THSD4: variants seen among roughly 807,000 people sequenced by gnomAD.
THSD4 encodes the protein thrombospondin type-1 domain-containing protein 4.
THSD4 carries 69 observed loss-of-function variants against 119.0 expected under a neutral mutation model. That is an observed-to-expected ratio of 0.58 (90% CI 0.48 to 0.71). THSD4 has a LOEUF of 0.71. Among genes scored for constraint, THSD4 ranks in the 30% least tolerant of loss-of-function variants. THSD4 has a pLI of 0.00. For synonymous variants in THSD4, 524 were observed against 540.4 expected, an observed-to-expected ratio of 0.97 and a Z score of 0.42; for missense variants, 1,393 against 1,391.1, an observed-to-expected ratio of 1.00 and a Z score of -0.02.
At chr15:71,504,172 T>C (rs2048155802) in intron 7 of THSD4, among the ~76,000 whole-genome samples, 1 of 152,194 alleles carries the variant, frequency 6.6e-6, no homozygotes, top group Admixed American at 6.5e-5. Context: ...GATCAAGTCA[T>C]GCAGAATTTC....
chr15:71,192,588 G>A (rs756210247), intron 3 of THSD4, among the ~76,000 whole-genome samples: 18 of 152,132 alleles, frequency 1.2e-4, no homozygotes, highest in Admixed American at 4.6e-4. Flanking sequence ...CTCCTTTGGT[G>A]AATTTTGAAG....
intron 1 of THSD4, among the ~76,000 whole-genome samples, chr15:71,126,559 C>A (rs920299745): frequency 6.6e-6 from 1 of 152,206 alleles, no homozygotes; most frequent in Non-Finnish European, 1.5e-5. Flanking sequence ...TGGAAAATCA[C>A]TCATCACACT....
Position 71,141,570 on chromosome 15 carries a change from C to CTTT in THSD4, c.29+19_29+21dup. 1 of 1,603,604 alleles carries CTTT rather than the reference C, an allele frequency of 6.2e-7. No individual in the cohort carries two copies. Among genetic ancestry groups the CTTT allele is most frequent in the Non-Finnish European group, 8.5e-7 (1 of 1,176,058 alleles). ...GGGGTCTCTCAGGTAAGTGAAGAAA[C>CTTT]TTTTTTTAAAAAAACAGGAGAATAA... On this transcript the variant is annotated intron_variant, in intron 2 of 17. Coordinates refer to ENST00000261862, the MANE Select transcript of THSD4 (RefSeq NM_024817.3).
chr15:71,357,697 A>G (rs1414843008), intron 6 of THSD4, among the ~76,000 whole-genome samples: 1 of 152,210 alleles, frequency 6.6e-6, no homozygotes, highest in Non-Finnish European at 1.5e-5. Flanking sequence ...GGGAGTGCAC[A>G]TCAGGATCAC....
At chr15:71,450,803 C>T (rs957496030) in intron 7 of THSD4, among the ~76,000 whole-genome samples, 1 of 152,100 alleles carries the variant, frequency 6.6e-6, no homozygotes, top group African/African-American at 2.4e-5. Context: ...TAAGTACACA[C>T]GGGAGCCCCA....
At position 71,781,051 on chromosome 15, in the gene THSD4, A is replaced by G; in HGVS notation, c.*3677A>G. The G allele has an allele frequency of 3.1e-6, 1 of 320,304 alleles. No individual in the cohort carries two copies. The highest frequency in any genetic ancestry group is 6.2e-6 in the Non-Finnish European group (1 of 161,218). 19.8% of individuals were successfully genotyped at this position (320,304 alleles called of 1,614,324 possible). Reference sequence around the variant, plus strand: ...AAAAAGAAACATGACTTCCCTTAAAACAGGCTGGATAATCTATATCAGCCT... The same window carrying G: ...AAAAAGAAACATGACTTCCCTTAAAGCAGGCTGGATAATCTATATCAGCCT... On this transcript the variant is annotated 3_prime_UTR_variant, in exon 18 of 18. Coordinates refer to ENST00000261862, the MANE Select transcript of THSD4 (RefSeq NM_024817.3).
At chr15:71,607,838 A>G (rs2050137307) in intron 7 of THSD4, among the ~76,000 whole-genome samples, 5 of 152,194 alleles carry the variant, frequency 3.3e-5, no homozygotes, top group Non-Finnish European at 7.3e-5. Context: ...AGAGGAGGAC[A>G]GGACTCATGT....
At chr15:71,182,294 T>C (rs1773064889) in intron 3 of THSD4, among the ~76,000 whole-genome samples, 1 of 151,772 alleles carries the variant, frequency 6.6e-6, no homozygotes, top group African/African-American at 2.4e-5. Context: ...ATTCCATTTA[T>C]AGCAATATTG....
intron 7 of THSD4, among the ~76,000 whole-genome samples, chr15:71,415,123 A>G (rs535489479): frequency 6.6e-5 from 10 of 152,368 alleles, no homozygotes; most frequent in African/African-American, 2.4e-4. Context: ...TGCATCTGAA[A>G]TAGTGACACA....
intron 3 of THSD4, among the ~76,000 whole-genome samples, chr15:71,200,401 T>C (rs926002983): frequency 3.9e-5 from 6 of 152,072 alleles, no homozygotes; most frequent in African/African-American, 1.4e-4. Flanking sequence ...CCTGGTGAGC[T>C]TTTCACGTCA....
In THSD4 at chr15:71,724,288, T is replaced by TATATATATATATATA. The variant is rs1491162842; in HGVS notation, c.1358-4261_1358-4260insATATATATATATATA. 6.0e-4 allele frequency among the ~76,000 whole-genome samples: 19 copies of TATATATATATATATA among 31,458 alleles called. No individual in the cohort carries two copies. The East Asian group carries it at 0.017, about 28-fold the overall frequency. 20.6% of individuals were successfully genotyped at this position (31,458 alleles called of 152,430 possible). A position where few individuals can be genotyped will look rare whatever the true frequency, so the allele number is the denominator to read the frequency against. On this transcript the variant is annotated intron_variant, in intron 8 of 17. Coordinates refer to ENST00000261862, the MANE Select transcript of THSD4 (RefSeq NM_024817.3). ...TGGGATATATATATATATATATATATTTTTTTTTTCCCCCCAAGATGGAAT... is the reference window on the plus strand; with the variant it reads ...TGGGATATATATATATATATATATATATATATATATATATATTTTTTTTTCCCCCCAAGATGGAAT...
chr15:71,532,263 T>TGAGAGAGAGAGGGAGAGA (rs2048619819), intron 7 of THSD4, among the ~76,000 whole-genome samples: 2 of 71,722 alleles, frequency 2.8e-5, no homozygotes, highest in African/African-American at 3.7e-5. Context: ...CAACAAAGGG[T>TGAGAGAGAGAGGGAGAGA]GAGAGAGAGA....
At chr15:71,540,621 G>T (rs2048746696) in intron 7 of THSD4, among the ~76,000 whole-genome samples, 1 of 137,530 alleles carries the variant, frequency 7.3e-6, no homozygotes, top group Non-Finnish European at 1.5e-5. Flanking sequence ...TAGAGATGGG[G>T]TTTCACCATG....
chr15:71,714,091 CA>C (rs1199383950), intron 8 of THSD4, among the ~76,000 whole-genome samples: 2 of 152,104 alleles, frequency 1.3e-5, no homozygotes, highest in Admixed American at 1.3e-4. Context: ...TGGTTTTTGA[CA>C]TTATTTTTAA....
chr15:71,568,568 C>T (rs148531137), intron 7 of THSD4, among the ~76,000 whole-genome samples: 1 of 137,886 alleles, frequency 7.3e-6, no homozygotes. Context: ...CTCTTTTTCT[C>T]TTTTTTTTTT....
intron 11 of THSD4, among the ~76,000 whole-genome samples, chr15:71,740,294 T>C (rs1334742262): frequency 2.6e-5 from 4 of 152,168 alleles, no homozygotes; most frequent in Non-Finnish European, 5.9e-5. Context: ...TGTGATATTA[T>C]AGAGGTAAGC....
intron 7 of THSD4, among the ~76,000 whole-genome samples, chr15:71,567,731 C>T (rs1435144735): frequency 6.6e-6 from 1 of 151,892 alleles, no homozygotes; most frequent in Non-Finnish European, 1.5e-5. Flanking sequence ...CATCAGCGGT[C>T]AAAACCAGGG....
chr15:71,338,712 A>C (rs1025002428), intron 6 of THSD4, among the ~76,000 whole-genome samples: 5 of 152,264 alleles, frequency 3.3e-5, no homozygotes, highest in African/African-American at 1.2e-4. Flanking sequence ...TAGAAGGAAA[A>C]GACACCCTTA....
intron 6 of THSD4, among the ~76,000 whole-genome samples, chr15:71,388,661 AGAGTGT>A (rs1212014845): frequency 2.0e-4 from 28 of 142,068 alleles, no homozygotes; most frequent in African/African-American, 5.5e-4. Flanking sequence ...TTCTTTGGAG[AGAGTGT>A]GTGTGTGTGT....
Sources: allele counts gnomAD v4.1 joint callset (sites outside exome capture counted in the v4.1 genomes callset), GRCh38; gene constraint gnomAD v4.1.1; transcripts MANE v1.5; gene names NCBI Gene and HGNC (gene_info 2026-07-23, HGNC 2026-07-21).